The following GAREM1 variants were observed in gnomAD, a reference collection of about 807,000 sequenced individuals.
The protein encoded by GAREM1 is GRB2 associated regulator of MAPK1 subtype 1, also known as GRB2-associated and regulator of MAPK protein 1.
Under a neutral mutation model 71.3 loss-of-function variants are expected in GAREM1, and 26 were observed. The ratio of observed to expected loss-of-function variants is 0.36; its 90% CI spans 0.27 to 0.51. The LOEUF is 0.51. Ranked by LOEUF, GAREM1 falls within the 20% of genes least tolerant of loss-of-function variation. The pLI, the probability that GAREM1 is intolerant of heterozygous loss-of-function variation, is 0.95. For missense variants in GAREM1, 1,026 were observed against 1,103.1 expected (o/e 0.93, Z 0.99); for synonymous variants, 440 against 433.2 (o/e 1.02, Z -0.20).
At chr18:32,300,278 A>C (rs747861658) in intron 3 of GAREM1, among the ~76,000 whole-genome samples, 2 of 152,258 alleles carry the variant, frequency 1.3e-5, no homozygotes, top group Non-Finnish European at 2.9e-5. Context: ...TGTCATTATT[A>C]TAAACTTAAA....
At chr18:32,465,697 G>A (rs2048992501) in intron 1 of GAREM1, among the ~76,000 whole-genome samples, 1 of 152,104 alleles carries the variant, frequency 6.6e-6, no homozygotes, top group African/African-American at 2.4e-5. Flanking sequence ...TACATGTTTG[G>A]GGCAAAGCTA....
intron 2 of GAREM1, among the ~76,000 whole-genome samples, chr18:32,311,662 A>C (rs1474295393): frequency 1.3e-5 from 2 of 152,238 alleles, no homozygotes; most frequent in Non-Finnish European, 2.9e-5. Context: ...ACTAGGCAAC[A>C]GTCTGCCCAA....
rs150744685 is a variant in GAREM1 at position 32,270,481 on chromosome 18, C to T, written c.1567-98G>A. 4.8e-3 allele frequency: 4,805 copies of T among 999,624 alleles called. 24 individuals are homozygous for T. The highest frequency in any genetic ancestry group is 7.2e-3 in the Middle Eastern group (22 of 3,072). The allele number at this position is 999,624 out of a possible 1,614,324, so 61.9% of individuals were successfully genotyped here. A position where few individuals can be genotyped will look rare whatever the true frequency, so the allele number is the denominator to read the frequency against. On this transcript the variant is annotated intron_variant, in intron 4 of 5. Transcript: ENST00000269209. ...ACTTGCTCAAGTCACACTCTTAAACCGTAACAGCAGGGTGTAAGCATGGCA... is the reference window on the plus strand; with the variant it reads ...ACTTGCTCAAGTCACACTCTTAAACTGTAACAGCAGGGTGTAAGCATGGCA...
Position 32,271,422 on chromosome 18 carries a change from G to C in GAREM1, c.1567-1039C>G, listed in dbSNP as rs180818293. ...TGGCCAGGCTGGTCTTGAACTCCTT[G>C]CATCTACTTGCCTGGGCCTCCCACA... On this transcript the variant is annotated intron_variant, in intron 4 of 5. Transcript: ENST00000269209. Among the ~76,000 whole-genome samples, 1,206 of 152,096 alleles carry C rather than the reference G, an allele frequency of 7.9e-3. 13 individuals are homozygous for C. The highest frequency in any genetic ancestry group is 0.01 in the Non-Finnish European group (686 of 67,972).
At chr18:32,319,351 T>C (rs1285395247) in intron 2 of GAREM1, among the ~76,000 whole-genome samples, 1 of 152,230 alleles carries the variant, frequency 6.6e-6, no homozygotes, top group Non-Finnish European at 1.5e-5. Context: ...AAACACACTC[T>C]TGTATTTTAA....
At chr18:32,412,449 C>T (rs2048429256) in intron 1 of GAREM1, 10 of 1,589,478 alleles carry the variant, frequency 6.3e-6, no homozygotes, top group Non-Finnish European at 1.7e-6. Context: ...TCCATTAGAG[C>T]CATCCCCACT....
chr18:32,427,553 G>A (rs550940874), intron 1 of GAREM1, among the ~76,000 whole-genome samples: 1 of 152,212 alleles, frequency 6.6e-6, no homozygotes, highest in South Asian at 2.1e-4. Context: ...CAGAAGCATC[G>A]ACAGAAAAGC....
rs558554424 is a variant in GAREM1 at position 32,373,173 on chromosome 18, TCAAA to T, written c.262+19718_262+19721del. ...AAATGGAGAATGAAAAACTAAATAG[TCAAA>T]CAGTCTAGCTAAAGGGGACACATAA... On this transcript the variant is annotated intron_variant, in intron 2 of 5. Transcript: ENST00000269209. Among the ~76,000 whole-genome samples, 76 of 152,298 alleles carry T rather than the reference TCAAA, an allele frequency of 5.0e-4. 3 individuals are homozygous for T. In the South Asian group the frequency reaches 0.015, roughly 31 times the overall value.
intron 1 of GAREM1, among the ~76,000 whole-genome samples, chr18:32,448,388 C>T (rs1016306364): frequency 6.6e-6 from 1 of 152,170 alleles, no homozygotes; most frequent in Non-Finnish European, 1.5e-5. Context: ...CTAAGTGTGA[C>T]CACATCCCCG....
intron 1 of GAREM1, among the ~76,000 whole-genome samples, chr18:32,416,559 A>T (rs1305336220): frequency 6.6e-6 from 1 of 152,158 alleles, no homozygotes; most frequent in Non-Finnish European, 1.5e-5. Context: ...AGAACCCAGA[A>T]TCAAATCCAC....
intron 2 of GAREM1, among the ~76,000 whole-genome samples, chr18:32,332,946 A>C (rs2047551872): frequency 6.6e-6 from 1 of 152,162 alleles, no homozygotes; most frequent in South Asian, 2.1e-4. Context: ...CAATGACAAA[A>C]ATAGACACAG....
intron 3 of GAREM1, among the ~76,000 whole-genome samples, chr18:32,298,920 T>A (rs930154856): frequency 1.3e-5 from 2 of 152,132 alleles, no homozygotes; most frequent in Admixed American, 1.3e-4. Flanking sequence ...TTAAGATAAA[T>A]GTTAATCCTA....
chr18:32,368,936 T>C (rs1182057133), intron 2 of GAREM1, among the ~76,000 whole-genome samples: 3 of 152,228 alleles, frequency 2.0e-5, no homozygotes, highest in African/African-American at 4.8e-5. Context: ...GTGAATTCAA[T>C]ATAAAATATA....
chr18:32,447,454 C>T (rs1244765388), intron 1 of GAREM1, among the ~76,000 whole-genome samples: 3 of 152,098 alleles, frequency 2.0e-5, no homozygotes, highest in Non-Finnish European at 2.9e-5. Context: ...ACTCCTTCTC[C>T]TCATATTATA....
intron 2 of GAREM1, among the ~76,000 whole-genome samples, chr18:32,324,403 TG>T (rs1567964686): frequency 1.3e-5 from 2 of 152,272 alleles, no homozygotes; most frequent in East Asian, 3.9e-4. Flanking sequence ...CACACACCAG[TG>T]GGACCACAGA....
At chr18:32,452,853 G>GTT (rs34771430) in intron 1 of GAREM1, among the ~76,000 whole-genome samples, 6,837 of 147,214 alleles carry the variant, frequency 0.046, 491 homozygotes, top group East Asian at 0.34. Context: ...TAACTTCTAC[G>GTT]TTTTTTTTTT....
At chr18:32,300,914 A>G (rs982184836) in intron 3 of GAREM1, among the ~76,000 whole-genome samples, 41 of 151,872 alleles carry the variant, frequency 2.7e-4, no homozygotes, top group African/African-American at 9.4e-4. Flanking sequence ...CTCAAAAAAA[A>G]AAAAAAAAAA....
chr18:32,274,258 T>G (rs531183817), intron 4 of GAREM1, among the ~76,000 whole-genome samples: 1 of 152,314 alleles, frequency 6.6e-6, no homozygotes, highest in East Asian at 1.9e-4. Flanking sequence ...TCCTATCTCT[T>G]ACTCTTAGAA....
chr18:32,288,842 C>G (rs1278870039), intron 3 of GAREM1, among the ~76,000 whole-genome samples: 3 of 151,786 alleles, frequency 2.0e-5, no homozygotes, highest in Non-Finnish European at 1.5e-5. Flanking sequence ...TAACTGTATC[C>G]ATTTCCCCCG....
Sources: allele counts gnomAD v4.1 joint callset (sites outside exome capture counted in the v4.1 genomes callset), GRCh38; gene constraint gnomAD v4.1.1; transcripts MANE v1.5; gene names NCBI Gene and HGNC (gene_info 2026-07-23, HGNC 2026-07-21).